The following KANSL2 variants were observed in gnomAD, a reference collection of about 807,000 sequenced individuals.
KANSL2 encodes the protein NSL complex protein NSL2.
In KANSL2, 34 loss-of-function variants were observed where a neutral mutation model predicts 55.6. The observed-to-expected ratio is 0.61, with a 90% confidence interval of 0.46 to 0.81. The LOEUF (loss-of-function observed/expected upper bound fraction) is 0.81, where lower values mean the gene tolerates loss of function less well. Among genes scored for constraint, KANSL2 ranks in the 40% least tolerant of loss-of-function variants. KANSL2 has a pLI of 0.00. For missense variants in KANSL2, 502 were observed against 609.9 expected, an observed-to-expected ratio of 0.82 and a Z score of 1.86; for synonymous variants, 209 against 214.3, an observed-to-expected ratio of 0.98 and a Z score of 0.22.
chr12:48,658,245 A>AG (rs1939427520), intron 8 of KANSL2, among the ~76,000 whole-genome samples: 1 of 151,962 alleles, frequency 6.6e-6, no homozygotes, highest in African/African-American at 2.4e-5. Context: ...AATAATGACT[A>AG]GCTTGGAATT....
Position 48,653,866 on chromosome 12 carries a change from T to C in KANSL2, c.*178A>G. 1 of 508,990 alleles carries C rather than the reference T, an allele frequency of 2.0e-6. No individual in the cohort carries two copies. The allele number at this position is 508,990 out of a possible 1,614,324, so 31.5% of individuals were successfully genotyped here. ...CTCTCTTTCTCTTCCTTGCCCTGAG[T>C]GGGAAGAAACCCACGGTCCACGTCC... On this transcript the variant is annotated 3_prime_UTR_variant, in exon 10 of 10. Transcript: ENST00000420613.
intron 4 of KANSL2, among the ~76,000 whole-genome samples, chr12:48,676,571 T>C (rs569025549): frequency 1.5e-3 from 235 of 151,908 alleles, no homozygotes; most frequent in African/African-American, 5.5e-3. Flanking sequence ...GGCAGGAAAA[T>C]CATTTGAACC....
intron 8 of KANSL2, among the ~76,000 whole-genome samples, chr12:48,655,509 CAGTG>C (rs1410494060): frequency 6.6e-6 from 1 of 150,978 alleles, no homozygotes; most frequent in Admixed American, 6.6e-5. Flanking sequence ...GCAGAGGCTG[CAGTG>C]AGCCGAGACT....
chr12:48,664,879 CTTTTT>C (rs367566566), intron 7 of KANSL2, among the ~76,000 whole-genome samples: 1 of 94,658 alleles, frequency 1.1e-5, no homozygotes, highest in South Asian at 3.5e-4. Flanking sequence ...ACTGCGCCCG[CTTTTT>C]TTTTTTTTTT....
chr12:48,672,507 T>C (rs1939744807), intron 4 of KANSL2, among the ~76,000 whole-genome samples: 1 of 147,956 alleles, frequency 6.8e-6, no homozygotes, highest in South Asian at 2.1e-4. Context: ...CACAGCTCAC[T>C]ATAACCTTTG....
intron 4 of KANSL2, among the ~76,000 whole-genome samples, chr12:48,677,639 G>C (rs1172046863): frequency 6.6e-6 from 1 of 151,888 alleles, no homozygotes; most frequent in Non-Finnish European, 1.5e-5. Context: ...AAATTACCTG[G>C]GTGTGGTGGT....
chr12:48,653,827 T>C lies in KANSL2; in HGVS notation c.*217A>G, dbSNP rs889582417. The C allele has an allele frequency of 7.0e-6, 3 of 428,568 alleles. No individual in the cohort carries two copies. The highest frequency in any genetic ancestry group is 2.1e-5 in the African/African-American group (1 of 48,770). 26.5% of individuals were successfully genotyped at this position (428,568 alleles called of 1,614,324 possible). On this transcript the variant is annotated 3_prime_UTR_variant, in exon 10 of 10. Coordinates refer to ENST00000420613, the MANE Select transcript of KANSL2 (RefSeq NM_017822.4). The stretch of plus-strand genomic sequence containing the variant: ...ATAGTCCCAAATAATCCCAGAAGCT[T>C]TGATAGGGATTATCTCTCTTTCTCT...
intron 6 of KANSL2, among the ~76,000 whole-genome samples, chr12:48,668,828 T>C (rs1939651170): frequency 6.6e-6 from 1 of 151,832 alleles, no homozygotes; most frequent in African/African-American, 2.4e-5. Context: ...GATCACGAGG[T>C]CAGGCATTGG....
chr12:48,655,126 C>A, intron 8 of KANSL2, 66 bp from the exon 9 acceptor site: 1 of 1,500,756 alleles, frequency 6.7e-7, no homozygotes, highest in South Asian at 1.2e-5. Context: ...GCATGTTTTT[C>A]AGCAAACTTT....
chr12:48,670,325 TAAAAAA>T (rs1014366222), intron 5 of KANSL2, among the ~76,000 whole-genome samples: 2 of 147,866 alleles, frequency 1.4e-5, no homozygotes, highest in African/African-American at 4.9e-5. Context: ...CTCTATTTAT[TAAAAAA>T]AAAAAGTTAA....
At chr12:48,665,204 A>G (rs1232184475) in intron 7 of KANSL2, among the ~76,000 whole-genome samples, 1 of 152,172 alleles carries the variant, frequency 6.6e-6, no homozygotes. Flanking sequence ...AATATTTAAT[A>G]AGCAAAATAA....
At chr12:48,655,719 G>A (rs2137173026) in intron 8 of KANSL2, among the ~76,000 whole-genome samples, 2 of 152,286 alleles carry the variant, frequency 1.3e-5, no homozygotes, top group Middle Eastern at 6.8e-3. Flanking sequence ...AACAGAAAAT[G>A]GTGATAGCTG....
chr12:48,680,923 G>C lies in KANSL2; in HGVS notation c.251+459C>G, dbSNP rs146400283. On this transcript the variant is annotated intron_variant, in intron 2 of 9. Transcript: ENST00000420613. ...GAAGGAGGAGGTTGCAGTGAGCCGA[G>C]ATCTCCACTGCACTCCAGCCTGGGG... Among the ~76,000 whole-genome samples, 391 of 151,764 alleles carry C rather than the reference G, an allele frequency of 2.6e-3. 1 individual carries two copies. The highest frequency in any genetic ancestry group is 9.2e-3 in the African/African-American group (379 of 41,318).
At chr12:48,667,305 T>C (rs1233489016) in intron 7 of KANSL2, among the ~76,000 whole-genome samples, 1 of 152,150 alleles carries the variant, frequency 6.6e-6, no homozygotes, top group Non-Finnish European at 1.5e-5. Flanking sequence ...CACAGTAATT[T>C]TTTAAGTTTA....
At chr12:48,676,448 CAGG>C (rs1177496266) in intron 4 of KANSL2, among the ~76,000 whole-genome samples, 1 of 152,074 alleles carries the variant, frequency 6.6e-6, no homozygotes, top group Non-Finnish European at 1.5e-5. Flanking sequence ...CACCTCAGAT[CAGG>C]AGTTCAAGAC....
At chr12:48,682,079 A>G (rs1565611319) in intron 1 of KANSL2, 108 bp downstream of exon 1, 1 of 703,022 alleles carries the variant, frequency 1.4e-6, no homozygotes, top group South Asian at 1.5e-5. Context: ...CAGGAAGGAG[A>G]CTGACTCTGA....
chr12:48,660,297 T>C, intron 8 of KANSL2, 69 bp downstream of exon 8: 1 of 1,548,452 alleles, frequency 6.5e-7, no homozygotes, highest in Non-Finnish European at 8.8e-7. Context: ...AAGACTAACC[T>C]ATTCTCACCA....
Position 48,667,725 on chromosome 12 carries a change from TG to T in KANSL2, c.940del (p.Gln314SerfsTer5). On this transcript the variant is annotated frameshift_variant, in exon 7 of 10. Transcript: ENST00000420613. LOFTEE classifies it high-confidence loss of function. ...AFVDDVRCSN[Q>X]SLPMTRHCLT... ...GCAGTGTCTGGTCATTGGAAGAGAC[TG>T]ATTGGAACAACGAACATCATCCACA... 6.2e-7 allele frequency: 1 copy of T among 1,613,970 alleles called. No individual in the cohort carries two copies. Among genetic ancestry groups the T allele is most frequent in the African/African-American group, 1.3e-5 (1 of 75,066 alleles).
intron 4 of KANSL2, among the ~76,000 whole-genome samples, chr12:48,672,375 A>C (rs1330300003): frequency 6.9e-6 from 1 of 145,482 alleles, no homozygotes; most frequent in Non-Finnish European, 1.5e-5. Context: ...ATGTATATAT[A>C]CGTATATATA....
Sources: allele counts gnomAD v4.1 joint callset (sites outside exome capture counted in the v4.1 genomes callset), GRCh38; gene constraint gnomAD v4.1.1; transcripts MANE v1.5; gene names NCBI Gene and HGNC (gene_info 2026-07-23, HGNC 2026-07-21).